FAM227A: variants seen among roughly 807,000 people sequenced by gnomAD.
FAM227A encodes family with sequence similarity 227 member A, also known as protein FAM227A.
FAM227A carries 80 observed loss-of-function variants against 74.7 expected under a neutral mutation model. The observed-to-expected ratio is 1.07, with a 90% CI of 0.89 to 1.29. FAM227A has a LOEUF of 1.29. Ranked by LOEUF, FAM227A falls within the 50% of genes most tolerant of loss-of-function variation. The pLI, the probability that FAM227A is intolerant of heterozygous loss-of-function variation, is 0.00. For synonymous variants in FAM227A, 237 were observed against 241.8 expected, an observed-to-expected ratio of 0.98 and a Z score of 0.19; for missense variants, 654 against 683.4, an observed-to-expected ratio of 0.96 and a Z score of 0.48.
chr22:38,640,976 T>A (rs933634527), intron 3 of FAM227A, among the ~76,000 whole-genome samples: 1 of 152,072 alleles, frequency 6.6e-6, no homozygotes, highest in African/African-American at 2.4e-5. Context: ...GTTGCTCCAA[T>A]TAAGTAAGCT....
In FAM227A at chr22:38,597,322, C is replaced by T. The variant is rs2091068232; in HGVS notation, c.1414G>A (p.Glu472Lys). 3.9e-6 allele frequency: 6 copies of T among 1,551,848 alleles called. No individual in the cohort carries two copies. Among genetic ancestry groups the T allele is most frequent in the African/African-American group, 1.4e-5 (1 of 73,160 alleles). The change falls in exon 15 of 17, where the codon GAG becomes AAG. Residue 472 changes from glutamate (E) to lysine (K), a missense_variant. Coordinates refer to ENST00000535113, the MANE Select transcript of FAM227A (RefSeq NM_001013647.2). ...CTPTYTDVIS[E>K]TLCSMKKRKD... ...CGCTTCTTCATGCTGCACAGGGTCT[C>T]GCTGATGACATCAGTATACGTTGGG...
intron 3 of FAM227A, among the ~76,000 whole-genome samples, chr22:38,643,623 T>C (rs905052806): frequency 2.0e-5 from 3 of 152,124 alleles, no homozygotes; most frequent in African/African-American, 7.2e-5. Context: ...ACTCTCACCA[T>C]AGGATCTAGC....
intron 11 of FAM227A, among the ~76,000 whole-genome samples, chr22:38,607,900 C>T (rs2091320642): frequency 6.6e-6 from 1 of 152,130 alleles, no homozygotes; most frequent in Non-Finnish European, 1.5e-5. Flanking sequence ...TTTCACTGGG[C>T]AACTACTAAT....
At chr22:38,631,982 C>T (rs549954065) in intron 6 of FAM227A, among the ~76,000 whole-genome samples, 111 of 152,024 alleles carry the variant, frequency 7.3e-4, no homozygotes, top group Non-Finnish European at 1.2e-3. Flanking sequence ...ACAGGAAAGA[C>T]GGTAGTTAAA....
At chr22:38,597,034 C>T (rs1458502744) in intron 15 of FAM227A, among the ~76,000 whole-genome samples, 170 bp downstream of exon 15, 5 of 151,910 alleles carry the variant, frequency 3.3e-5, no homozygotes. Flanking sequence ...ACAAAAAAAG[C>T]TCTGGTCTCT....
chr22:38,644,145 CAAAAAAA>C lies in FAM227A; in HGVS notation c.225+1411_225+1417del, dbSNP rs950184744. 7.6e-4 allele frequency among the ~76,000 whole-genome samples: 33 copies of C among 43,612 alleles called. 2 individuals carry two copies. In the East Asian group the frequency reaches 0.024, roughly 31 times the overall value. 28.6% of individuals were successfully genotyped at this position (43,612 alleles called of 152,430 possible). On this transcript the variant is annotated intron_variant, in intron 3 of 16. Transcript: ENST00000535113. ...TGGACGAGAGTGTGAGACTCCATCT[CAAAAAAA>C]AAAAAAAAAAAAAAAAGATGTGGAG...
intron 14 of FAM227A, among the ~76,000 whole-genome samples, chr22:38,598,025 AGAGT>A (rs1211862048): frequency 3.4e-5 from 5 of 145,858 alleles, no homozygotes; most frequent in Admixed American, 1.4e-4. Context: ...CCTAGGCAAC[AGAGT>A]GAGACTCTGT....
intron 10 of FAM227A, among the ~76,000 whole-genome samples, chr22:38,621,563 C>T (rs1227456635): frequency 1.3e-5 from 2 of 151,972 alleles, no homozygotes; most frequent in Non-Finnish European, 2.9e-5. Context: ...TGAGATTGCG[C>T]CATTGCACTC....
intron 13 of FAM227A, among the ~76,000 whole-genome samples, chr22:38,601,753 G>A (rs1364157236): frequency 6.6e-6 from 1 of 152,094 alleles, no homozygotes; most frequent in Admixed American, 6.5e-5. Flanking sequence ...GGCAAGATTT[G>A]CTGATGGACT....
At chr22:38,625,093 G>GAA (rs2091768345) in intron 9 of FAM227A, among the ~76,000 whole-genome samples, 1 of 152,008 alleles carries the variant, frequency 6.6e-6, no homozygotes, top group Admixed American at 6.6e-5. Flanking sequence ...GGAGGCGGTT[G>GAA]AAAAAGCAGA....
intron 12 of FAM227A, among the ~76,000 whole-genome samples, chr22:38,606,787 T>A (rs1197231633): frequency 6.6e-6 from 1 of 152,136 alleles, no homozygotes; most frequent in African/African-American, 2.4e-5. Flanking sequence ...ACAGGAGCAG[T>A]CATCATGTCT....
At chr22:38,601,480 A>G (rs1360765637) in intron 13 of FAM227A, among the ~76,000 whole-genome samples, 1 of 152,158 alleles carries the variant, frequency 6.6e-6, no homozygotes, top group Non-Finnish European at 1.5e-5. Flanking sequence ...TGCTGTGGTC[A>G]TGGTGAGGAG....
chr22:38,636,484 C>T lies in FAM227A; in HGVS notation c.486G>A (p.Val162=), dbSNP rs1468679030. 1 of 1,551,428 alleles carries T rather than the reference C, an allele frequency of 6.4e-7. No homozygotes were observed. Among genetic ancestry groups the T allele is most frequent in the Non-Finnish European group, 8.7e-7 (1 of 1,146,916 alleles). Residue 162 remains valine, a synonymous_variant, in exon 6 of 17, where the codon GTG becomes GTA. Transcript: ENST00000535113. ...TAAGGCAGTCTCTCTCAGCCCGGAC[C>T]ACGTTGCCCACCATGTCACAGAAGT... is the stretch of plus-strand genomic sequence containing the variant. The part of the protein sequence containing the change: ...GVDFCDMVGN[V]VRAERDCLSG...
chr22:38,648,305 T>TA (rs11351838), intron 2 of FAM227A, among the ~76,000 whole-genome samples: 5,980 of 125,800 alleles, frequency 0.048, 224 homozygotes, highest in East Asian at 0.12. Context: ...TCAACTTGAT[T>TA]AAAAAAAAAA....
chr22:38,639,849 T>C, intron 3 of FAM227A, 125 bp from the exon 4 acceptor site: 1 of 698,820 alleles, frequency 1.4e-6, no homozygotes, highest in South Asian at 1.6e-5. Flanking sequence ...TTGTGGACAG[T>C]GCCTTGTCTT....
chr22:38,599,920 G>C lies in FAM227A; in HGVS notation c.1223C>G (p.Ser408Trp). The C allele has an allele frequency of 6.5e-7, 1 of 1,536,466 alleles. No individual in the cohort carries two copies. Among genetic ancestry groups the C allele is most frequent in the Non-Finnish European group, 8.8e-7 (1 of 1,141,978 alleles). ...RECENMFPKK[S>W]CAACKSPELT... Reference sequence around the variant, plus strand: ...CTCAGGGCTTTTGCAGGCAGCACACGACTAAGGATGAAAGAAAAAGGAAAA... The same window carrying C: ...CTCAGGGCTTTTGCAGGCAGCACACCACTAAGGATGAAAGAAAAAGGAAAA... The change falls in exon 14 of 17, where the codon TCG (serine) becomes TGG (tryptophan). Residue 408 changes from serine to tryptophan, a missense_variant and splice_region_variant. Physicochemically the swap from Ser to Trp is radical, Grantham distance 177 (BLOSUM62 -3). Coordinates refer to ENST00000535113, the MANE Select transcript of FAM227A (RefSeq NM_001013647.2).
chr22:38,633,022 G>A (rs2091942132), intron 6 of FAM227A, among the ~76,000 whole-genome samples: 2 of 152,194 alleles, frequency 1.3e-5, no homozygotes, highest in East Asian at 3.8e-4. Context: ...TCCCAGATGG[G>A]GCAAGGTGGG....
intron 11 of FAM227A, among the ~76,000 whole-genome samples, chr22:38,613,102 TA>T (rs1191868680): frequency 3.2e-5 from 3 of 95,210 alleles, no homozygotes; most frequent in African/African-American, 9.0e-5. Flanking sequence ...ATATTATATA[TA>T]ATTATATATA....
intron 11 of FAM227A, among the ~76,000 whole-genome samples, chr22:38,613,095 T>TA (rs1491164705): frequency 1.1e-5 from 1 of 91,602 alleles, no homozygotes; most frequent in African/African-American, 4.9e-5. Context: ...TATATATATA[T>TA]TATATATAAT....
Sources: allele counts gnomAD v4.1 joint callset (sites outside exome capture counted in the v4.1 genomes callset), GRCh38; gene constraint gnomAD v4.1.1; transcripts MANE v1.5; gene names NCBI Gene and HGNC (gene_info 2026-07-23, HGNC 2026-07-21).